ADAMTSL1: variants seen among roughly 807,000 people sequenced by gnomAD.
ADAMTSL1 encodes ADAMTS like 1.
In ADAMTSL1, 126 loss-of-function variants were observed where a neutral mutation model predicts 201.8. That is an observed-to-expected ratio of 0.62 (90% CI 0.54 to 0.72). The LOEUF (loss-of-function observed/expected upper bound fraction) is 0.72. Among genes scored for constraint, ADAMTSL1 ranks in the 30% least tolerant of loss-of-function variants. ADAMTSL1 has a pLI of 0.00. For missense variants in ADAMTSL1, 2,679 were observed against 2,277.8 expected, an observed-to-expected ratio of 1.18 and a Z score of -3.59; for synonymous variants, 1,121 against 903.4, an observed-to-expected ratio of 1.24 and a Z score of -4.32.
At chr9:18,575,797 A>C (rs1321937147) in intron 4 of ADAMTSL1, among the ~76,000 whole-genome samples, 1 of 152,222 alleles carries the variant, frequency 6.6e-6, no homozygotes, top group East Asian at 1.9e-4. Context: ...AAATGGGACT[A>C]AATTCCACAT....
At chr9:18,902,816 A>G (rs1208148919) in intron 26 of ADAMTSL1, among the ~76,000 whole-genome samples, 1 of 152,218 alleles carries the variant, frequency 6.6e-6, no homozygotes, top group Non-Finnish European at 1.5e-5. Flanking sequence ...AAAATAGACA[A>G]ACTTTTAGCT....
chr9:18,103,388 C>T (rs368142900), intron 1 of ADAMTSL1, among the ~76,000 whole-genome samples: 1 of 151,972 alleles, frequency 6.6e-6, no homozygotes, highest in African/African-American at 2.4e-5. Context: ...TTTTCTCAAG[C>T]GATTGTAATC....
chr9:18,865,185 C>G (rs902900989), intron 23 of ADAMTSL1, among the ~76,000 whole-genome samples: 1 of 151,904 alleles, frequency 6.6e-6, no homozygotes, highest in Non-Finnish European at 1.5e-5. Flanking sequence ...TGCTATCCCT[C>G]CCCGCTCCCC....
rs558895939 is a variant in ADAMTSL1, at chr9:18,892,529, G to A, written c.4784G>A (p.Arg1595Gln). ...GACATGTGCACCCAGGTCGCCAAGCGGCCTGTGGACACCCAGGCCTGTAAC... is the reference window on the plus strand; with the variant it reads ...GACATGTGCACCCAGGTCGCCAAGCAGCCTGTGGACACCCAGGCCTGTAAC... ...SNDMCTQVAK[R>Q]PVDTQACNQQ... Residue 1595 changes from arginine to glutamine, a missense_variant, in exon 26 of 29, where the codon CGG (arginine) becomes CAG (glutamine). Physicochemically the swap from Arg to Gln is conservative, Grantham distance 43. Coordinates refer to ENST00000380548, the MANE Select transcript of ADAMTSL1 (RefSeq NM_001040272.6). The A allele has an allele frequency of 2.3e-5, 37 of 1,590,382 alleles. No homozygotes were observed. The highest frequency in any genetic ancestry group is 7.1e-5 in the Admixed American group (4 of 56,230).
intron 2 of ADAMTSL1, among the ~76,000 whole-genome samples, chr9:18,179,192 G>C (rs1289203057): frequency 6.6e-6 from 1 of 152,094 alleles, no homozygotes; most frequent in African/African-American, 2.4e-5. Flanking sequence ...GGAGCTGATG[G>C]AGCTGAAAAC....
At chr9:18,661,433 C>T (rs1829086351) in intron 8 of ADAMTSL1, among the ~76,000 whole-genome samples, 1 of 152,112 alleles carries the variant, frequency 6.6e-6, no homozygotes, top group Non-Finnish European at 1.5e-5. Flanking sequence ...ATAATGTTCC[C>T]AGGCATCTGG....
intron 23 of ADAMTSL1, among the ~76,000 whole-genome samples, chr9:18,879,934 T>C (rs1828424261): frequency 6.6e-6 from 1 of 152,250 alleles, no homozygotes; most frequent in Admixed American, 6.5e-5. Flanking sequence ...GTTTATATAA[T>C]ATTCTAAATC....
intron 3 of ADAMTSL1, among the ~76,000 whole-genome samples, chr9:18,564,751 T>C (rs1821768883): frequency 6.6e-6 from 1 of 152,172 alleles, no homozygotes; most frequent in Non-Finnish European, 1.5e-5. Flanking sequence ...TATTTTAGAC[T>C]ATAATAAAAA....
chr9:18,115,951 G>A (rs988232689), intron 1 of ADAMTSL1, among the ~76,000 whole-genome samples: 2 of 152,130 alleles, frequency 1.3e-5, no homozygotes, highest in East Asian at 3.9e-4. Flanking sequence ...ACTTTGTCAT[G>A]TGATAGCTTC....
intron 19 of ADAMTSL1, among the ~76,000 whole-genome samples, chr9:18,785,703 A>G (rs1289589944): frequency 3.3e-5 from 5 of 152,218 alleles, no homozygotes; most frequent in African/African-American, 1.2e-4. Context: ...TAGCCAAAGA[A>G]CCTGGTAAAT....
chr9:18,647,244 C>T (rs1463534391), intron 7 of ADAMTSL1, among the ~76,000 whole-genome samples: 3 of 152,074 alleles, frequency 2.0e-5, no homozygotes, highest in Non-Finnish European at 2.9e-5. Context: ...TCCCCTTTAT[C>T]ATTTTTTATT....
chr9:18,614,814 T>C (rs903945332), intron 4 of ADAMTSL1, among the ~76,000 whole-genome samples: 2 of 152,148 alleles, frequency 1.3e-5, no homozygotes, highest in African/African-American at 4.8e-5. Context: ...GTGTTACTCC[T>C]CCCAAGGGTA....
chr9:18,310,268 T>C (rs1160035274), intron 2 of ADAMTSL1, among the ~76,000 whole-genome samples: 1 of 147,892 alleles, frequency 6.8e-6, no homozygotes, highest in Non-Finnish European at 1.5e-5. Context: ...ATTTAGGACA[T>C]AGGCATGGGC....
chr9:18,529,325 C>G (rs1009527971), intron 2 of ADAMTSL1, among the ~76,000 whole-genome samples: 2 of 152,148 alleles, frequency 1.3e-5, no homozygotes, highest in African/African-American at 4.8e-5. Flanking sequence ...AGGTCAACCT[C>G]AGGCCTATTC....
intron 23 of ADAMTSL1, among the ~76,000 whole-genome samples, chr9:18,846,273 C>T (rs1016931104): frequency 2.6e-5 from 4 of 151,504 alleles, no homozygotes; most frequent in African/African-American, 7.3e-5. Flanking sequence ...AAGAAAAGCA[C>T]GATGGAAATG....
chr9:18,213,387 T>C (rs982781586), intron 2 of ADAMTSL1, among the ~76,000 whole-genome samples: 1 of 152,132 alleles, frequency 6.6e-6, no homozygotes, highest in Non-Finnish European at 1.5e-5. Flanking sequence ...AAACACTGTG[T>C]TCCTGGGTGA....
At position 18,801,833 on chromosome 9, in the gene ADAMTSL1, G is replaced by A. The variant is rs891593437; in HGVS notation, c.3805+6309G>A. Among the ~76,000 whole-genome samples, 4 of 152,120 alleles carry A rather than the reference G, an allele frequency of 2.6e-5. No homozygotes were observed. The South Asian group carries it at 6.2e-4, about 24-fold the overall frequency. ...GAAGAGTGCTGCAGTGAACATTTGTGTGTGTGTGCCTTTATGATAGAATGA... is the reference window on the plus strand; with the variant it reads ...GAAGAGTGCTGCAGTGAACATTTGTATGTGTGTGCCTTTATGATAGAATGA... On this transcript the variant is annotated intron_variant, in intron 20 of 28. Transcript: ENST00000380548.
chr9:18,149,033 T>C (rs1002949526), intron 1 of ADAMTSL1, among the ~76,000 whole-genome samples: 3 of 152,034 alleles, frequency 2.0e-5, no homozygotes, highest in Admixed American at 6.6e-5. Context: ...CAATAGAAAG[T>C]GTTTATGGAG....
intron 3 of ADAMTSL1, among the ~76,000 whole-genome samples, chr9:18,542,872 T>G (rs1029296442): frequency 2.6e-5 from 4 of 152,174 alleles, no homozygotes; most frequent in Non-Finnish European, 5.9e-5. Context: ...TCAGCCTTAT[T>G]CTATGGCATC....
Sources: allele counts gnomAD v4.1 joint callset (sites outside exome capture counted in the v4.1 genomes callset), GRCh38; gene constraint gnomAD v4.1.1; transcripts MANE v1.5; gene names NCBI Gene and HGNC (gene_info 2026-07-23, HGNC 2026-07-21).